Variants in SP140L observed in about 807,000 individuals in gnomAD.
SP140L encodes SP140 like nuclear body protein.
Under a neutral mutation model 84.3 loss-of-function variants are expected in SP140L, and 64 were observed. The ratio of observed to expected loss-of-function variants is 0.76; its 90% CI spans 0.62 to 0.94. SP140L has a LOEUF of 0.94. SP140L is among the 40% of genes least tolerant of loss of function. SP140L has a pLI of 0.00. For missense variants in SP140L, 628 were observed against 692.5 expected, an observed-to-expected ratio of 0.91 and a Z score of 1.05; for synonymous variants, 242 against 236.9, an observed-to-expected ratio of 1.02 and a Z score of -0.20.
intron 2 of SP140L, among the ~76,000 whole-genome samples, chr2:230,350,605 G>A (rs572872944): frequency 1.3e-5 from 2 of 152,232 alleles, no homozygotes; most frequent in African/African-American, 2.4e-5. Flanking sequence ...TGCCCTTATG[G>A]CATACATATT....
intron 2 of SP140L, among the ~76,000 whole-genome samples, chr2:230,340,879 T>A (rs1164697502): frequency 6.7e-6 from 1 of 148,626 alleles, no homozygotes; most frequent in Non-Finnish European, 1.5e-5. Flanking sequence ...TCTGATGGGC[T>A]TCCCTTTGAG....
In SP140L at chr2:230,389,899, G is replaced by A. The variant is rs549110232; in HGVS notation, c.860-20G>A. 14 of 1,611,830 alleles carry A rather than the reference G, an allele frequency of 8.7e-6. No individual in the cohort carries two copies. The highest frequency in any genetic ancestry group is 1.8e-4 in the Middle Eastern group (1 of 5,692). ...GTGCCTTTGCAAAGTGAGACAGAAT[G>A]AAGAAATCCTCTCTTTCAGCTTCAA... On this transcript the variant is annotated intron_variant, in intron 10 of 18. Coordinates refer to ENST00000415673, the MANE Select transcript of SP140L (RefSeq NM_138402.6).
At position 230,364,976 on chromosome 2, in the gene SP140L, A is replaced by G. The variant is rs77988118; in HGVS notation, c.523+3279A>G. ...GTGTGTTGAACCATCCATGCATCCC[A>G]GTGATAAAGCTTACTTGATCATGGT... On this transcript the variant is annotated intron_variant, in intron 5 of 18. Transcript: ENST00000415673. Among the ~76,000 whole-genome samples the G allele has an allele frequency of 6.4e-4, 97 of 152,226 alleles. 1 individual carries two copies. The highest frequency in any genetic ancestry group is 1.0e-3 in the Non-Finnish European group (69 of 67,944).
chr2:230,346,990 G>A (rs768004199), intron 2 of SP140L, among the ~76,000 whole-genome samples: 5 of 152,206 alleles, frequency 3.3e-5, no homozygotes, highest in Non-Finnish European at 7.3e-5. Flanking sequence ...ATTTGAGGAA[G>A]AAGTAACCTC....
At chr2:230,388,411 T>C (rs1226533971) in intron 9 of SP140L, 148 bp from the exon 10 acceptor site, 2 of 542,762 alleles carry the variant, frequency 3.7e-6, no homozygotes, top group East Asian at 3.2e-5. Flanking sequence ...TAATTCTTCA[T>C]ACCTTAAAGG....
At chr2:230,343,471 T>C (rs1287519011) in intron 2 of SP140L, among the ~76,000 whole-genome samples, 1 of 147,936 alleles carries the variant, frequency 6.8e-6, no homozygotes, top group Non-Finnish European at 1.5e-5. Context: ...ATTTTCTTTA[T>C]CCAGTCTATC....
chr2:230,402,525 A>C (rs2062397273), intron 18 of SP140L, among the ~76,000 whole-genome samples: 1 of 152,250 alleles, frequency 6.6e-6, no homozygotes, highest in Admixed American at 6.5e-5. Flanking sequence ...TTCACACTTC[A>C]ACATTGTTAA....
At chr2:230,344,986 G>A (rs1304969236) in intron 2 of SP140L, among the ~76,000 whole-genome samples, 1 of 152,156 alleles carries the variant, frequency 6.6e-6, no homozygotes, top group Non-Finnish European at 1.5e-5. Context: ...CTGCTGTTCA[G>A]TGAAATGTTC....
chr2:230,395,898 G>A (rs1559461341), intron 13 of SP140L, among the ~76,000 whole-genome samples: 1 of 152,238 alleles, frequency 6.6e-6, no homozygotes, highest in African/African-American at 2.4e-5. Flanking sequence ...GAGAGCAGGA[G>A]ACTCTCAGGA....
At chr2:230,385,110 C>G in intron 8 of SP140L, 114 bp from the exon 9 acceptor site, 1 of 956,262 alleles carries the variant, frequency 1.0e-6, no homozygotes, top group South Asian at 1.6e-5. Context: ...CTCTGGACAC[C>G]TGCTCGAGGG....
At chr2:230,382,635 C>G (rs996147244) in intron 7 of SP140L, among the ~76,000 whole-genome samples, 1 of 152,166 alleles carries the variant, frequency 6.6e-6, no homozygotes, top group African/African-American at 2.4e-5. Flanking sequence ...GCTGTGCCTA[C>G]CAGGCTGATG....
intron 7 of SP140L, among the ~76,000 whole-genome samples, chr2:230,374,894 T>G (rs1294587154): frequency 6.6e-6 from 1 of 152,178 alleles, no homozygotes; most frequent in East Asian, 1.9e-4. Flanking sequence ...CCAAAAAAAT[T>G]GTGTCTTGCT....
intron 8 of SP140L, 102 bp downstream of exon 8, chr2:230,383,677 T>C (rs2061480637): frequency 1.7e-5 from 19 of 1,119,742 alleles, no homozygotes; most frequent in Non-Finnish European, 2.0e-5. Flanking sequence ...GAGAGTTCTG[T>C]ACTTCCTGTA....
rs926215828 is a variant in SP140L, at chr2:230,339,938, G to A, written c.107+11107G>A. Among the ~76,000 whole-genome samples the A allele has an allele frequency of 1.2e-3, 180 of 151,032 alleles. 1 individual carries two copies. The highest frequency in any genetic ancestry group is 4.3e-3 in the African/African-American group (174 of 40,932). ...CCAGTATGTGGTCAATTTTGGAATA[G>A]GTGTGGTGCTGAAAAAAATGTATAT... On this transcript the variant is annotated intron_variant, in intron 2 of 18. Coordinates refer to ENST00000415673, the MANE Select transcript of SP140L (RefSeq NM_138402.6).
intron 7 of SP140L, among the ~76,000 whole-genome samples, chr2:230,381,329 A>G (rs1460730633): frequency 6.6e-6 from 1 of 152,158 alleles, no homozygotes; most frequent in Non-Finnish European, 1.5e-5. Context: ...AATTTGCCCT[A>G]TAATCTGGAG....
intron 2 of SP140L, among the ~76,000 whole-genome samples, chr2:230,354,415 C>T (rs531886097): frequency 2.0e-5 from 3 of 152,130 alleles, no homozygotes; most frequent in South Asian, 4.1e-4. Flanking sequence ...CATATGACTA[C>T]CTTGGTAGAT....
chr2:230,398,411 G>A lies in SP140L; in HGVS notation c.1197+1613G>A, dbSNP rs542020683. ...GATATAAGTTTGGAGAAAAAAAAGG[G>A]CAGATAAGAGGCAGGACTAACTTCC... On this transcript the variant is annotated intron_variant, in intron 14 of 18. Coordinates refer to ENST00000415673, the MANE Select transcript of SP140L (RefSeq NM_138402.6). 2.6e-5 allele frequency among the ~76,000 whole-genome samples: 4 copies of A among 152,320 alleles called. No individual in the cohort carries two copies. The South Asian group carries it at 8.3e-4, about 32-fold the overall frequency.
intron 13 of SP140L, among the ~76,000 whole-genome samples, chr2:230,396,164 T>G (rs2062038562): frequency 6.6e-6 from 1 of 152,160 alleles, no homozygotes; most frequent in South Asian, 2.1e-4. Context: ...CAAGTAGAGC[T>G]TCTCTGACTT....
Position 230,393,416 on chromosome 2 carries a change from A to T in SP140L, c.1110A>T (p.Glu370Asp). 1 of 1,585,538 alleles carries T rather than the reference A, an allele frequency of 6.3e-7. No individual in the cohort carries two copies. The highest frequency in any genetic ancestry group is 8.6e-7 in the Non-Finnish European group (1 of 1,167,808). ...ACCTTGGTCTTTTTATCTTTCAGGAAGGATCTCTACCTAATCCTCCAAGAA... is the reference window on the plus strand; with the variant it reads ...ACCTTGGTCTTTTTATCTTTCAGGATGGATCTCTACCTAATCCTCCAAGAA... ...GGWPLRRLME[E>D]GSLPNPPRIY... is the part of the protein sequence containing the mutation. Residue 370 changes from glutamate to aspartate, a missense_variant and splice_region_variant, in exon 13 of 19, where the codon GAA becomes GAT. Physicochemically the swap from Glu to Asp is conservative, Grantham distance 45. Transcript: ENST00000415673.
Sources: gnomAD v4.1 joint callset for allele counts (sites outside exome capture counted in the v4.1 genomes callset) on GRCh38, gnomAD v4.1.1 for gene constraint, MANE v1.5 for transcripts, NCBI Gene and HGNC (gene_info 2026-07-23, HGNC 2026-07-21) for gene names.